PITPNM3: variants seen among roughly 807,000 people sequenced by gnomAD.
PITPNM3 encodes membrane-associated phosphatidylinositol transfer protein 3.
Under a neutral mutation model 102.0 loss-of-function variants are expected in PITPNM3, and 26 were observed. That is an observed-to-expected ratio of 0.25 (90% CI 0.19 to 0.35). The LOEUF is 0.35. Ranked by LOEUF, PITPNM3 falls within the 10% of genes least tolerant of loss-of-function variation. PITPNM3 has a pLI of 1.00. For missense variants in PITPNM3, 1,083 were observed against 1,346.1 expected, an observed-to-expected ratio of 0.80 and a Z score of 3.06; for synonymous variants, 578 against 558.6, an observed-to-expected ratio of 1.03 and a Z score of -0.49.
intron 10 of PITPNM3, among the ~76,000 whole-genome samples, chr17:6,473,613 C>T (rs531484235): frequency 6.6e-6 from 1 of 152,226 alleles, no homozygotes. Flanking sequence ...ATACCCTCCC[C>T]ACCCCTCATG....
chr17:6,540,013 T>A (rs560652911), intron 1 of PITPNM3, among the ~76,000 whole-genome samples: 1 of 152,182 alleles, frequency 6.6e-6, no homozygotes, highest in Admixed American at 6.5e-5. Context: ...GGTGGCCTCA[T>A]ACATGCACGG....
At chr17:6,522,500 G>C (rs1015390524) in intron 3 of PITPNM3, among the ~76,000 whole-genome samples, 5 of 152,230 alleles carry the variant, frequency 3.3e-5, no homozygotes, top group African/African-American at 1.2e-4. Flanking sequence ...CATCCAGGTA[G>C]AGGTTAGCAG....
Position 6,537,391 on chromosome 17 carries a change from C to T in PITPNM3, c.118+596G>A, listed in dbSNP as rs1315855433. On this transcript the variant is annotated intron_variant, in intron 2 of 19. Coordinates refer to ENST00000262483, the MANE Select transcript of PITPNM3 (RefSeq NM_031220.4). The surrounding 1 kb of genome is among the most constrained non-coding windows in gnomAD (Gnocchi z 4.4). Reference sequence around the variant, plus strand: ...CCCAGTAGCTGGGATTACAGGCACCCGCCACCACACCCGGCTAATGTTTTG... The same window carrying T: ...CCCAGTAGCTGGGATTACAGGCACCTGCCACCACACCCGGCTAATGTTTTG... 2.0e-5 allele frequency among the ~76,000 whole-genome samples: 3 copies of T among 151,996 alleles called. No homozygotes were observed. The highest frequency in any genetic ancestry group is 4.8e-5 in the African/African-American group (2 of 41,402).
chr17:6,462,643 A>T (rs1904524213), intron 17 of PITPNM3, among the ~76,000 whole-genome samples: 1 of 152,176 alleles, frequency 6.6e-6, no homozygotes, highest in South Asian at 2.1e-4. Flanking sequence ...CCTGGCTGCA[A>T]GATGTCAGGT....
At chr17:6,484,346 G>C in intron 4 of PITPNM3, 54 bp from the exon 5 acceptor site, 1 of 1,512,936 alleles carries the variant, frequency 6.6e-7, no homozygotes, top group African/African-American at 1.4e-5. Flanking sequence ...ACAGTGACCA[G>C]ACACTCCCTG....
chr17:6,524,809 A>T (rs1908732570), intron 3 of PITPNM3, among the ~76,000 whole-genome samples: 1 of 152,222 alleles, frequency 6.6e-6, no homozygotes, highest in Non-Finnish European at 1.5e-5. Flanking sequence ...AGATGGATAG[A>T]TGGATGCCAA....
chr17:6,468,119 G>T lies in PITPNM3; in HGVS notation c.1890+106C>A. ...GCCTGTTTGGGTGCTGAGCTCTGAGGACAAATTGAAGCGCTTACCTCCCAT... is the reference window on the plus strand; with the variant it reads ...GCCTGTTTGGGTGCTGAGCTCTGAGTACAAATTGAAGCGCTTACCTCCCAT... On this transcript the variant is annotated intron_variant, in intron 14 of 19. Coordinates refer to ENST00000262483, the MANE Select transcript of PITPNM3 (RefSeq NM_031220.4). The surrounding 1 kb of genome is among the most constrained non-coding windows in gnomAD (Gnocchi z 5.2). The T allele has an allele frequency of 9.2e-7, 1 of 1,090,734 alleles. No homozygotes were observed. Among genetic ancestry groups the T allele is most frequent in the South Asian group, 1.3e-5 (1 of 78,908 alleles). 67.6% of individuals were successfully genotyped at this position (1,090,734 alleles called of 1,614,324 possible).
intron 3 of PITPNM3, among the ~76,000 whole-genome samples, chr17:6,505,098 C>A (rs1907409098): frequency 6.6e-6 from 1 of 151,664 alleles, no homozygotes; most frequent in Non-Finnish European, 1.5e-5. Flanking sequence ...ATTGCTTGAA[C>A]CCAGGAGGTG....
At chr17:6,529,391 G>A (rs546073498) in intron 2 of PITPNM3, among the ~76,000 whole-genome samples, 23 of 152,092 alleles carry the variant, frequency 1.5e-4, no homozygotes, top group Admixed American at 1.2e-3. Context: ...GCAGGAGTTC[G>A]AGACCAACCT....
chr17:6,505,770 A>G (rs1297413178), intron 3 of PITPNM3, among the ~76,000 whole-genome samples: 1 of 152,232 alleles, frequency 6.6e-6, no homozygotes, highest in Non-Finnish European at 1.5e-5. Context: ...GCTAGGGGCC[A>G]TGGAGGATAC....
Position 6,508,056 on chromosome 17 carries a change from T to A in PITPNM3, c.227-4482A>T, listed in dbSNP as rs189198698. 2.8e-3 allele frequency among the ~76,000 whole-genome samples: 410 copies of A among 146,286 alleles called. 2 individuals carry two copies. The highest frequency in any genetic ancestry group is 9.9e-3 in the African/African-American group (388 of 39,058). On this transcript the variant is annotated intron_variant, in intron 3 of 19. Transcript: ENST00000262483. ...GCTGGGAATGCTGGGGTTGCTGGGG[T>A]TGCTGGGGATGCAGCTGGGGTTGCT...
intron 3 of PITPNM3, among the ~76,000 whole-genome samples, chr17:6,515,897 C>T (rs545615127): frequency 1.3e-5 from 2 of 152,216 alleles, no homozygotes; most frequent in East Asian, 3.9e-4. Flanking sequence ...AAACAAACCC[C>T]AGGCCTGGCA....
intron 1 of PITPNM3, among the ~76,000 whole-genome samples, chr17:6,544,655 C>CTCTCTCACACACACAT (rs1555562205): frequency 7.1e-5 from 1 of 14,006 alleles, no homozygotes; most frequent in Non-Finnish European, 1.1e-4. Context: ...CTCTCTCTCT[C>CTCTCTCACACACACAT]ACACACACAC....
intron 4 of PITPNM3, among the ~76,000 whole-genome samples, chr17:6,499,972 C>T (rs1406486513): frequency 1.3e-5 from 2 of 152,214 alleles, no homozygotes; most frequent in Non-Finnish European, 2.9e-5. Context: ...CTCAGGCAAT[C>T]TGCCTGCCTC....
intron 6 of PITPNM3, chr17:6,481,544 T>C (rs1905671678): frequency 6.6e-6 from 1 of 152,172 alleles, no homozygotes; most frequent in Non-Finnish European, 1.5e-5. Flanking sequence ...GTTAAACACC[T>C]TCCCCAGACC....
At chr17:6,504,486 C>T (rs1048963015) in intron 3 of PITPNM3, among the ~76,000 whole-genome samples, 2 of 152,192 alleles carry the variant, frequency 1.3e-5, no homozygotes, top group African/African-American at 2.4e-5. Context: ...GGCCCACGTC[C>T]CCTGAATCCT....
At chr17:6,483,100 T>A (rs1283615030) in intron 6 of PITPNM3, among the ~76,000 whole-genome samples, 1 of 152,002 alleles carries the variant, frequency 6.6e-6, no homozygotes, top group Non-Finnish European at 1.5e-5. Flanking sequence ...GCCCGCCACC[T>A]CACCTGGCTA....
intron 12 of PITPNM3, 38 bp downstream of exon 12, chr17:6,471,123 C>A: frequency 1.9e-6 from 3 of 1,609,006 alleles, no homozygotes; most frequent in Non-Finnish European, 2.5e-6. Context: ...GTTCCCCTCC[C>A]CCGAATCCAG....
At chr17:6,529,519 G>A (rs370104672) in intron 2 of PITPNM3, among the ~76,000 whole-genome samples, 35 of 152,070 alleles carry the variant, frequency 2.3e-4, no homozygotes, top group African/African-American at 6.3e-4. Flanking sequence ...GCTTGAACCC[G>A]GGTGGCAGAG....
Sources: allele counts gnomAD v4.1 joint callset (sites outside exome capture counted in the v4.1 genomes callset), GRCh38; gene constraint gnomAD v4.1.1; non-coding constraint Gnocchi (gnomAD v3.1); transcripts MANE v1.5; gene names NCBI Gene and HGNC (gene_info 2026-07-23, HGNC 2026-07-21).